ABCB5: variants seen among roughly 807,000 people sequenced by gnomAD.
The protein encoded by ABCB5 is ATP binding cassette subfamily B member 5.
In ABCB5, 155 loss-of-function variants were observed where a neutral mutation model predicts 144.2. The observed-to-expected ratio is 1.08, with a 90% confidence interval of 0.94 to 1.23. The LOEUF is 1.23. ABCB5 is among the 50% of genes most tolerant of loss of function. The probability of loss-of-function intolerance (pLI) is 0.00; values close to 1 mark genes in which losing one functional copy is unlikely to be tolerated. For synonymous variants in ABCB5, 610 were observed against 528.6 expected (o/e 1.15, Z -2.11); for missense variants, 1,830 against 1,520.8 (o/e 1.20, Z -3.38).
chr7:20,718,332 G>A (rs1235313242), intron 20 of ABCB5, among the ~76,000 whole-genome samples: 1 of 152,082 alleles, frequency 6.6e-6, no homozygotes, highest in African/African-American at 2.4e-5. Flanking sequence ...AAACTTCCAG[G>A]GGATGAACTG....
Position 20,665,872 on chromosome 7 carries a change from A to G in ABCB5, c.1707+7196A>G, listed in dbSNP as rs1438339939. On this transcript the variant is annotated intron_variant, in intron 14 of 27. Coordinates refer to ENST00000404938, the MANE Select transcript of ABCB5 (RefSeq NM_001163941.2). ...GTTGAAAGGATTTTGCAGTTAAAAA[A>G]AAAAAAAAAATGTTGGGCCGGGCCT... 1.2e-4 allele frequency among the ~76,000 whole-genome samples: 19 copies of G among 152,088 alleles called. No individual in the cohort carries two copies. In the East Asian group the frequency reaches 3.3e-3, roughly 26 times the overall value.
At chr7:20,704,367 T>C (rs1786745716) in intron 19 of ABCB5, among the ~76,000 whole-genome samples, 1 of 152,168 alleles carries the variant, frequency 6.6e-6, no homozygotes, top group African/African-American at 2.4e-5. Flanking sequence ...GCCACCGCTC[T>C]GGCCTTCATC....
chr7:20,705,126 A>AAC (rs1786778140), intron 20 of ABCB5, among the ~76,000 whole-genome samples: 1 of 152,220 alleles, frequency 6.6e-6, no homozygotes, highest in African/African-American at 2.4e-5. Context: ...ACGAAATGAA[A>AAC]ACACACACAC....
rs1323983756 is a variant in ABCB5 at position 20,645,646 on chromosome 7, T to A, written c.679-110T>A. ...TTTTTAAAAATACAGAGATAAAGTC[T>A]AAAAAAATACCATTAGTCTACTTAG... On this transcript the variant is annotated intron_variant, in intron 7 of 27. Transcript: ENST00000404938. 4 of 1,359,906 alleles carry A rather than the reference T, an allele frequency of 2.9e-6. No homozygotes were observed. In the East Asian group the frequency reaches 9.3e-5, roughly 32 times the overall value. 84.2% of individuals were successfully genotyped at this position (1,359,906 alleles called of 1,614,324 possible).
rs572554289 is a variant in ABCB5, at chr7:20,714,116, T to A, written c.2422-8900T>A. On this transcript the variant is annotated intron_variant, in intron 20 of 27. Coordinates refer to ENST00000404938, the MANE Select transcript of ABCB5 (RefSeq NM_001163941.2). ...ACCACTGGTTCATGTATTTTGTCTA[T>A]TTTTTGTTTGGTTTTAGATGAGAGG... is the stretch of plus-strand genomic sequence containing the variant. Among the ~76,000 whole-genome samples, 7 of 152,308 alleles carry A rather than the reference T, an allele frequency of 4.6e-5. No individual in the cohort carries two copies. In the East Asian group the frequency reaches 1.2e-3, roughly 25 times the overall value.
intron 26 of ABCB5, among the ~76,000 whole-genome samples, chr7:20,750,504 C>T (rs537473046): frequency 6.6e-6 from 1 of 151,876 alleles, no homozygotes; most frequent in South Asian, 2.1e-4. Context: ...TAATATAGTC[C>T]TTTATTTATA....
chr7:20,711,778 C>T (rs866427385), intron 20 of ABCB5, among the ~76,000 whole-genome samples: 1 of 47,110 alleles, frequency 2.1e-5, no homozygotes, highest in Non-Finnish European at 3.6e-5. Context: ...TTCCTTCTTT[C>T]TCTTTCTTTC....
intron 13 of ABCB5, among the ~76,000 whole-genome samples, chr7:20,652,790 T>G (rs2285557): frequency 0.16 from 24,028 of 152,236 alleles, 2,335 homozygotes; most frequent in Non-Finnish European, 0.21. Flanking sequence ...AGCACCTTGT[T>G]ACATATGAAA....
intron 14 of ABCB5, among the ~76,000 whole-genome samples, chr7:20,662,263 C>A (rs138224998): frequency 6.6e-6 from 1 of 152,228 alleles, no homozygotes; most frequent in Non-Finnish European, 1.5e-5. Context: ...TTTATTGCAG[C>A]CCTCACGGGC....
chr7:20,753,654 TACAA>T, intron 27 of ABCB5, 148 bp downstream of exon 27: 6 of 849,430 alleles, frequency 7.1e-6, no homozygotes, highest in African/African-American at 1.7e-5. Flanking sequence ...TTTGGACCTT[TACAA>T]AAAGGTCAGT....
intron 24 of ABCB5, among the ~76,000 whole-genome samples, chr7:20,741,435 T>C (rs891184953): frequency 8.6e-5 from 13 of 151,988 alleles, no homozygotes; most frequent in Non-Finnish European, 1.8e-4. Flanking sequence ...CAAAAAAAAT[T>C]TAAAAAATAA....
rs145753314 is a variant in ABCB5, at chr7:20,710,616, A to T, written c.2421+5809A>T. Among the ~76,000 whole-genome samples, 727 of 149,814 alleles carry T rather than the reference A, an allele frequency of 4.9e-3. 58 individuals carry two copies. The highest frequency in any genetic ancestry group is 0.017 in the African/African-American group (692 of 40,638). ...CCACGCAATAAAAAATCCACAAAAG[A>T]ACTTCAAGTGGCATTTTACAAAAGA... On this transcript the variant is annotated intron_variant, in intron 20 of 27. Transcript: ENST00000404938.
At chr7:20,650,264 T>C (rs1784541595) in intron 12 of ABCB5, 117 bp downstream of exon 12, 1 of 1,346,594 alleles carries the variant, frequency 7.4e-7, no homozygotes, top group Non-Finnish European at 9.9e-7. Flanking sequence ...GAAGCCATAT[T>C]GTTTTCTTTC....
At chr7:20,736,835 C>T (rs1782392713) in intron 23 of ABCB5, among the ~76,000 whole-genome samples, 1 of 150,532 alleles carries the variant, frequency 6.6e-6, no homozygotes, top group Non-Finnish European at 1.5e-5. Flanking sequence ...CAGTTTTTTC[C>T]ATGTGTGGGC....
chr7:20,682,595 G>A (rs1289351237), intron 15 of ABCB5, among the ~76,000 whole-genome samples: 1 of 152,190 alleles, frequency 6.6e-6, no homozygotes, highest in Non-Finnish European at 1.5e-5. Flanking sequence ...ATGGAAAAGA[G>A]TTGGAAAATA....
At chr7:20,707,773 T>C (rs889445128) in intron 20 of ABCB5, among the ~76,000 whole-genome samples, 1 of 151,266 alleles carries the variant, frequency 6.6e-6, no homozygotes, top group African/African-American at 2.4e-5. Context: ...ACTAAGATAT[T>C]ATTACCTGGA....
Position 20,650,015 on chromosome 7 carries a change from C to G in ABCB5, c.1207-7C>G. On this transcript the variant is annotated splice_polypyrimidine_tract_variant and splice_region_variant and intron_variant, in intron 11 of 27. Transcript: ENST00000404938. ...TTTTATGATTTTCCCTCCATACATT[C>G]CAATAGATTCTGAAAGGTCTGAATC... 6.2e-7 allele frequency: 1 copy of G among 1,608,796 alleles called. No individual in the cohort carries two copies. Among genetic ancestry groups the G allele is most frequent in the Non-Finnish European group, 8.5e-7 (1 of 1,177,176 alleles).
intron 14 of ABCB5, among the ~76,000 whole-genome samples, chr7:20,668,586 G>T (rs1165265965): frequency 6.9e-6 from 1 of 144,030 alleles, no homozygotes; most frequent in Admixed American, 6.8e-5. Context: ...GTCCGGGAGG[G>T]AGGTGGGGGG....
At chr7:20,702,655 A>ATTT (rs34454519) in intron 19 of ABCB5, among the ~76,000 whole-genome samples, 1,316 of 117,086 alleles carry the variant, frequency 0.011, 26 homozygotes, top group African/African-American at 0.033. Context: ...CATATAATGG[A>ATTT]TTTTTTTTTT....
Sources: allele counts gnomAD v4.1 joint callset (sites outside exome capture counted in the v4.1 genomes callset), GRCh38; gene constraint gnomAD v4.1.1; transcripts MANE v1.5; gene names NCBI Gene and HGNC (gene_info 2026-07-23, HGNC 2026-07-21).